The following INPP4B variants were observed in gnomAD, a reference collection of about 807,000 sequenced individuals.
The protein encoded by INPP4B is inositol polyphosphate-4-phosphatase type II B.
INPP4B carries 55 observed loss-of-function variants against 122.5 expected under a neutral mutation model. The ratio of observed to expected loss-of-function variants is 0.45; its 90% CI spans 0.36 to 0.56. The LOEUF is 0.56. Among genes scored for constraint, INPP4B ranks in the 20% least tolerant of loss-of-function variants. The pLI is 0.00. For missense variants in INPP4B, 1,000 were observed against 1,097.7 expected, an observed-to-expected ratio of 0.91 and a Z score of 1.26; for synonymous variants, 403 against 388.7, an observed-to-expected ratio of 1.04 and a Z score of -0.43.
intron 14 of INPP4B, among the ~76,000 whole-genome samples, chr4:142,206,042 A>T (rs1210460867): frequency 6.6e-6 from 1 of 152,132 alleles, no homozygotes; most frequent in Non-Finnish European, 1.5e-5. Flanking sequence ...GTCTAAGATC[A>T]AGGCGCTGGT....
rs577443056 is a variant in INPP4B at position 142,544,654 on chromosome 4, TG to T, written c.-190-81929del. On this transcript the variant is annotated intron_variant, in intron 2 of 25. Transcript: ENST00000262992. ...CCATCATATTGTGACTCTGGAGGGT[TG>T]GAAGCAGCAACTCCAGAGAGGGAGG... Among the ~76,000 whole-genome samples, 21 of 152,260 alleles carry T rather than the reference TG, an allele frequency of 1.4e-4. No homozygotes were observed. In the East Asian group the frequency reaches 4.1e-3, roughly 29 times the overall value.
chr4:142,367,208 G>C (rs947026078), intron 7 of INPP4B, among the ~76,000 whole-genome samples: 54 of 151,862 alleles, frequency 3.6e-4, no homozygotes, highest in Admixed American at 1.6e-3. Flanking sequence ...GTGTGTGTGT[G>C]TGTGTGTGTG....
chr4:142,650,834 T>C (rs112768381), intron 2 of INPP4B, among the ~76,000 whole-genome samples: 3,822 of 152,288 alleles, frequency 0.025, 60 homozygotes, highest in Middle Eastern at 0.088. Context: ...TTAACAAGGA[T>C]ATCCAGGACT....
In INPP4B at chr4:142,558,922, G is replaced by C. The variant is rs139905889; in HGVS notation, c.-190-96196C>G. On this transcript the variant is annotated intron_variant, in intron 2 of 25. Transcript: ENST00000262992. ...CATGGGGTTTTTACTGCCTCAGCCT[G>C]GAACTGATATATATCCCCTTCTGTC... Among the ~76,000 whole-genome samples the C allele has an allele frequency of 1.5e-3, 229 of 151,416 alleles. 2 individuals are homozygous for C. The East Asian group carries it at 0.015, about 10-fold the overall frequency.
At position 142,580,217 on chromosome 4, in the gene INPP4B, C is replaced by T. The variant is rs373267103; in HGVS notation, c.-190-117491G>A. On this transcript the variant is annotated intron_variant, in intron 2 of 25. Coordinates refer to ENST00000262992, the MANE Select transcript of INPP4B (RefSeq NM_001101669.3). ...GGGGAGAAAATACTTGGGTTCAAAT[C>T]CCATCTTTGCCACTTACTAGTTGTG... Among the ~76,000 whole-genome samples the T allele has an allele frequency of 2.6e-5, 4 of 151,824 alleles. No homozygotes were observed. The East Asian group carries it at 7.8e-4, about 30-fold the overall frequency.
chr4:142,085,161 C>A (rs1219795760), intron 24 of INPP4B, among the ~76,000 whole-genome samples: 2 of 152,188 alleles, frequency 1.3e-5, no homozygotes, highest in African/African-American at 4.8e-5. Flanking sequence ...AAGCTTTCCT[C>A]TGCCTTGCTT....
chr4:142,786,802 G>A (rs1775825640), intron 1 of INPP4B, among the ~76,000 whole-genome samples: 1 of 152,040 alleles, frequency 6.6e-6, no homozygotes, highest in Non-Finnish European at 1.5e-5. Flanking sequence ...TCTAAATTGA[G>A]AGACATACTA....
At chr4:142,594,327 C>T (rs189048563) in intron 2 of INPP4B, among the ~76,000 whole-genome samples, 35 of 152,226 alleles carry the variant, frequency 2.3e-4, no homozygotes, top group African/African-American at 7.9e-4. Flanking sequence ...GCTTGATATG[C>T]ATTGCCATTT....
intron 7 of INPP4B, among the ~76,000 whole-genome samples, chr4:142,385,273 TG>T (rs760837571): frequency 6.6e-6 from 1 of 152,190 alleles, no homozygotes; most frequent in Non-Finnish European, 1.5e-5. Flanking sequence ...CAGCATCTGT[TG>T]TTTTTGACTT....
At chr4:142,762,319 C>T (rs1443306140) in intron 1 of INPP4B, among the ~76,000 whole-genome samples, 1 of 152,106 alleles carries the variant, frequency 6.6e-6, no homozygotes, top group Non-Finnish European at 1.5e-5. Context: ...ACCCCCAACC[C>T]AAACACACAC....
chr4:142,666,568 C>G (rs1560940021), intron 2 of INPP4B, among the ~76,000 whole-genome samples: 1 of 151,840 alleles, frequency 6.6e-6, no homozygotes, highest in African/African-American at 2.4e-5. Flanking sequence ...AAAAAGAACC[C>G]TACCAAATAT....
At chr4:142,200,218 G>A (rs1378918431) in intron 14 of INPP4B, among the ~76,000 whole-genome samples, 1 of 151,592 alleles carries the variant, frequency 6.6e-6, no homozygotes. Flanking sequence ...TTTGTGTTTT[G>A]GGAGCGCCTT....
chr4:142,447,213 C>T (rs1813101241), intron 3 of INPP4B, among the ~76,000 whole-genome samples: 1 of 152,038 alleles, frequency 6.6e-6, no homozygotes, highest in Non-Finnish European at 1.5e-5. Flanking sequence ...GGCGTGGAGA[C>T]CACAGATTTG....
chr4:142,571,549 T>C (rs1369255688), intron 2 of INPP4B, among the ~76,000 whole-genome samples: 1 of 152,152 alleles, frequency 6.6e-6, no homozygotes, highest in African/African-American at 2.4e-5. Context: ...AACAATACTT[T>C]ATTCTTACTA....
intron 5 of INPP4B, among the ~76,000 whole-genome samples, chr4:142,419,760 G>A (rs538549622): frequency 1.5e-4 from 23 of 152,140 alleles, no homozygotes; most frequent in African/African-American, 4.3e-4. Flanking sequence ...TCCCCATGGC[G>A]TGGTCCCCAA....
rs370828434 is a variant in INPP4B, at chr4:142,260,578, T to TAAA, written c.616-17_616-15dup. 201 of 1,084,872 alleles carry TAAA rather than the reference T, an allele frequency of 1.9e-4. No individual in the cohort carries two copies. The highest frequency in any genetic ancestry group is 2.2e-4 in the Non-Finnish European group (175 of 795,932). The allele number at this position is 1,084,872 out of a possible 1,614,324, so 67.2% of individuals were successfully genotyped here. A position where few individuals can be genotyped will look rare whatever the true frequency, so the allele number is the denominator to read the frequency against. On this transcript the variant is annotated splice_polypyrimidine_tract_variant and intron_variant, in intron 10 of 25. Coordinates refer to ENST00000262992, the MANE Select transcript of INPP4B (RefSeq NM_001101669.3). ...TACCAGGGCACACTAGGAAAAAATG[T>TAAA]AAAAAAAAAAAAAAAATTTTGAGAA...
At chr4:142,266,539 G>C (rs1031852508) in intron 10 of INPP4B, among the ~76,000 whole-genome samples, 1 of 152,056 alleles carries the variant, frequency 6.6e-6, no homozygotes, top group Non-Finnish European at 1.5e-5. Flanking sequence ...AGTTTCCTGG[G>C]TAAGAAAAAT....
At chr4:142,586,955 G>A (rs1465713638) in intron 2 of INPP4B, among the ~76,000 whole-genome samples, 3 of 152,162 alleles carry the variant, frequency 2.0e-5, no homozygotes, top group African/African-American at 4.8e-5. Context: ...AAATATGGTG[G>A]AAGTGTAGGA....
At chr4:142,720,751 T>TATATATATGAATATATATATATACAC (rs1560996251) in intron 2 of INPP4B, among the ~76,000 whole-genome samples, 1 of 87,454 alleles carries the variant, frequency 1.1e-5, no homozygotes, top group Admixed American at 1.4e-4. Flanking sequence ...TATATATACA[T>TATATATATGAATATATATATATACAC]ATATATATAA....
Sources: allele counts gnomAD v4.1 joint callset (sites outside exome capture counted in the v4.1 genomes callset), GRCh38; gene constraint gnomAD v4.1.1; transcripts MANE v1.5; gene names NCBI Gene and HGNC (gene_info 2026-07-23, HGNC 2026-07-21).